The following MYO9A variants were observed in gnomAD, a reference collection of about 807,000 sequenced individuals.
MYO9A encodes unconventional myosin-IXa.
MYO9A carries 103 observed loss-of-function variants against 293.3 expected under a neutral mutation model. The observed-to-expected ratio is 0.35, with a 90% confidence interval of 0.30 to 0.41. MYO9A has a LOEUF of 0.41. MYO9A is among the 10% of genes least tolerant of loss of function. The pLI is 1.00. For missense variants in MYO9A, 2,685 were observed against 3,033.0 expected (o/e 0.89, Z 2.69); for synonymous variants, 1,001 against 1,035.7 (o/e 0.97, Z 0.64).
intron 18 of MYO9A, among the ~76,000 whole-genome samples, chr15:71,926,779 G>A (rs535176835): frequency 2.0e-5 from 3 of 152,302 alleles, no homozygotes; most frequent in Admixed American, 6.5e-5. Flanking sequence ...TGAAAAGGCA[G>A]TGTCACCAGG....
At chr15:72,004,577 A>C (rs527893357) in intron 8 of MYO9A, among the ~76,000 whole-genome samples, 232 of 152,194 alleles carry the variant, frequency 1.5e-3, no homozygotes, top group African/African-American at 5.1e-3. Flanking sequence ...ACAAAAAAAA[A>C]CCCTATTCTT....
In MYO9A at chr15:72,031,524, T is replaced by C. The variant is rs182130225; in HGVS notation, c.935+970A>G. On this transcript the variant is annotated intron_variant, in intron 3 of 41. Coordinates refer to ENST00000356056, the MANE Select transcript of MYO9A (RefSeq NM_006901.4). Reference sequence around the variant, plus strand: ...ATAAATAATAAAACAATTATAACAATACACTGTAATAAAATGTATGTGCAT... The same window carrying C: ...ATAAATAATAAAACAATTATAACAACACACTGTAATAAAATGTATGTGCAT... Among the ~76,000 whole-genome samples the C allele has an allele frequency of 1.1e-4, 17 of 152,166 alleles. No homozygotes were observed. The East Asian group carries it at 3.1e-3, about 28-fold the overall frequency.
In MYO9A at chr15:72,062,314, G is replaced by A. The variant is rs546180574; in HGVS notation, c.-71-15680C>T. Among the ~76,000 whole-genome samples, 77 of 152,274 alleles carry A rather than the reference G, an allele frequency of 5.1e-4. 1 individual carries two copies. Among genetic ancestry groups the A allele is most frequent in the African/African-American group, 1.7e-3 (72 of 41,554 alleles). ...GCCCAGACACCAACGAACACCCACA[G>A]GCATCAAGACCATCCAGGAAAACAT... On this transcript the variant is annotated intron_variant, in intron 1 of 41. Coordinates refer to ENST00000356056, the MANE Select transcript of MYO9A (RefSeq NM_006901.4).
At chr15:72,047,706 C>T (rs533713064) in intron 1 of MYO9A, among the ~76,000 whole-genome samples, 39 of 150,054 alleles carry the variant, frequency 2.6e-4, no homozygotes, top group African/African-American at 9.3e-4. Context: ...TTATTTATTT[C>T]ATCCTTTAAC....
At chr15:71,913,320 T>A (rs2057915457) in intron 19 of MYO9A, among the ~76,000 whole-genome samples, 1 of 152,156 alleles carries the variant, frequency 6.6e-6, no homozygotes, top group Non-Finnish European at 1.5e-5. Context: ...GTCTTTTTCA[T>A]ATCTTCAGTT....
At chr15:72,042,715 A>T (rs1394467556) in intron 2 of MYO9A, among the ~76,000 whole-genome samples, 1 of 151,980 alleles carries the variant, frequency 6.6e-6, no homozygotes, top group East Asian at 1.9e-4. Context: ...AAAACTTTTT[A>T]TTCACAGACA....
chr15:71,961,494 C>T (rs943418374), intron 13 of MYO9A, among the ~76,000 whole-genome samples: 4 of 152,132 alleles, frequency 2.6e-5, no homozygotes, highest in Non-Finnish European at 4.4e-5. Context: ...AAGTATTTTA[C>T]ATGTATTGTC....
rs914080957 is a variant in MYO9A, at chr15:72,111,299, G to A, written c.-72+6381C>T. Among the ~76,000 whole-genome samples the A allele has an allele frequency of 4.6e-5, 7 of 151,474 alleles. 1 individual carries two copies. Among genetic ancestry groups the A allele is most frequent in the Admixed American group, 4.6e-4 (7 of 15,154 alleles). ...GAGGTCAGGAGTTCAAGACCAGCTT[G>A]GTCAATATGGTGAAATCCTGTCTCT... is the stretch of plus-strand genomic sequence containing the variant. On this transcript the variant is annotated intron_variant, in intron 1 of 41. Transcript: ENST00000356056.
At chr15:71,975,379 C>T (rs1054958846) in intron 12 of MYO9A, among the ~76,000 whole-genome samples, 3 of 72,816 alleles carry the variant, frequency 4.1e-5, no homozygotes, top group Admixed American at 1.7e-4. Context: ...TGGCCTATGA[C>T]GTGATTTTAT....
At chr15:71,959,462 G>A (rs1028239755) in intron 14 of MYO9A, 1 of 170,414 alleles carries the variant, frequency 5.9e-6, no homozygotes, top group Non-Finnish European at 1.3e-5. Context: ...TCTAAGACTA[G>A]AGCTACAGCA....
chr15:71,921,829 A>C (rs571133536), intron 18 of MYO9A, among the ~76,000 whole-genome samples: 1 of 152,270 alleles, frequency 6.6e-6, no homozygotes, highest in Admixed American at 6.5e-5. Context: ...ATAAGTTATG[A>C]CATATTTACA....
intron 1 of MYO9A, among the ~76,000 whole-genome samples, chr15:72,080,827 T>C (rs1358002000): frequency 6.6e-6 from 1 of 152,078 alleles, no homozygotes; most frequent in Non-Finnish European, 1.5e-5. Context: ...GGTTTTCTGT[T>C]CCCATATTAG....
chr15:71,966,943 G>GTTAC (rs1001477048), intron 13 of MYO9A, among the ~76,000 whole-genome samples: 1 of 152,032 alleles, frequency 6.6e-6, no homozygotes, highest in African/African-American at 2.4e-5. Flanking sequence ...TTCATTTCAT[G>GTTAC]TTACTCTCCT....
chr15:72,011,597 GA>G (rs61024694), intron 6 of MYO9A, among the ~76,000 whole-genome samples: 29,534 of 148,974 alleles, frequency 0.2, 3,151 homozygotes, highest in East Asian at 0.41. Flanking sequence ...ACCATCTCAA[GA>G]AAAAAAAAAT....
chr15:72,110,175 C>T (rs1411592778), intron 1 of MYO9A, among the ~76,000 whole-genome samples: 1 of 151,870 alleles, frequency 6.6e-6, no homozygotes, highest in Non-Finnish European at 1.5e-5. Context: ...GTGGCTCACA[C>T]CTGTAATCCC....
intron 26 of MYO9A, chr15:71,893,165 C>T: frequency 7.8e-7 from 1 of 1,279,700 alleles, no homozygotes; most frequent in Non-Finnish European, 1.0e-6. Context: ...TTTTTATGGG[C>T]CGGTCTGGCA....
At chr15:72,109,208 G>A (rs180812945) in intron 1 of MYO9A, among the ~76,000 whole-genome samples, 4 of 151,864 alleles carry the variant, frequency 2.6e-5, no homozygotes, top group East Asian at 1.9e-4. Flanking sequence ...GACTAACACC[G>A]TGAAACGCCA....
intron 1 of MYO9A, among the ~76,000 whole-genome samples, chr15:72,048,601 C>T (rs909670571): frequency 6.6e-6 from 1 of 151,964 alleles, no homozygotes; most frequent in Non-Finnish European, 1.5e-5. Context: ...GTCTATTTTT[C>T]CACCCCTGAA....
intron 1 of MYO9A, among the ~76,000 whole-genome samples, chr15:72,101,451 T>C (rs1356764158): frequency 2.7e-4 from 30 of 113,166 alleles, no homozygotes; most frequent in African/African-American, 1.0e-3. Flanking sequence ...AGCCGCCCCG[T>C]CCGGGAGGGA....
Sources: allele counts gnomAD v4.1 joint callset (sites outside exome capture counted in the v4.1 genomes callset), GRCh38; gene constraint gnomAD v4.1.1; transcripts MANE v1.5; gene names NCBI Gene and HGNC (gene_info 2026-07-23, HGNC 2026-07-21).